MYT1L: variants seen among roughly 807,000 people sequenced by gnomAD.
The protein encoded by MYT1L is myelin transcription factor 1-like protein.
MYT1L carries 12 observed loss-of-function variants against 126.7 expected under a neutral mutation model. The ratio of observed to expected loss-of-function variants is 0.09; its 90% CI spans 0.06 to 0.15. The LOEUF is 0.15. MYT1L is among the 10% of genes least tolerant of loss of function. The pLI, the probability that MYT1L is intolerant of heterozygous loss-of-function variation, is 1.00. For missense variants in MYT1L, 979 were observed against 1,585.2 expected, an observed-to-expected ratio of 0.62 and a Z score of 6.49; for synonymous variants, 541 against 604.2, an observed-to-expected ratio of 0.90 and a Z score of 1.53.
intron 2 of MYT1L, among the ~76,000 whole-genome samples, chr2:2,220,380 G>A (rs1572580534): frequency 6.6e-6 from 1 of 152,158 alleles, no homozygotes; most frequent in Non-Finnish European, 1.5e-5. Context: ...ATTGACAAGT[G>A]GCTGAGTTTG....
At chr2:2,099,344 GTT>G (rs3047991) in intron 3 of MYT1L, among the ~76,000 whole-genome samples, 1 of 144,438 alleles carries the variant, frequency 6.9e-6, no homozygotes, top group Non-Finnish European at 1.5e-5. Context: ...AATGTCATTT[GTT>G]TTTTTTTTTT....
intron 3 of MYT1L, among the ~76,000 whole-genome samples, chr2:2,094,814 C>G (rs556113902): frequency 1.2e-3 from 181 of 152,158 alleles, no homozygotes; most frequent in South Asian, 9.3e-3. Flanking sequence ...GGAGATATAC[C>G]TATTGTAAAT....
chr2:2,103,449 C>T (rs2078350768), intron 3 of MYT1L, among the ~76,000 whole-genome samples: 1 of 152,226 alleles, frequency 6.6e-6, no homozygotes, highest in African/African-American at 2.4e-5. Flanking sequence ...CAGATGCCAG[C>T]CAGTTAGTGG....
chr2:1,820,925 T>C (rs1278282948), intron 21 of MYT1L, among the ~76,000 whole-genome samples: 1 of 131,086 alleles, frequency 7.6e-6, no homozygotes, highest in Admixed American at 7.4e-5. Flanking sequence ...CTTAAGAATA[T>C]AACTAAGGTT....
chr2:2,180,077 T>A (rs1256676374), intron 2 of MYT1L, among the ~76,000 whole-genome samples: 6 of 152,202 alleles, frequency 3.9e-5, no homozygotes, highest in Non-Finnish European at 8.8e-5. Context: ...ATGCCACTGT[T>A]GTTATCAAAG....
chr2:2,329,421 T>A (rs1369197993), intron 1 of MYT1L, among the ~76,000 whole-genome samples: 1 of 152,098 alleles, frequency 6.6e-6, no homozygotes, highest in South Asian at 2.1e-4. Context: ...GACAACAACA[T>A]AATCCTTCAT....
chr2:2,254,422 T>A (rs540353793), intron 2 of MYT1L, among the ~76,000 whole-genome samples: 97 of 152,222 alleles, frequency 6.4e-4, no homozygotes, highest in Non-Finnish European at 9.6e-4. Flanking sequence ...CTCAGGAGAC[T>A]GTGATGGGAC....
At chr2:1,846,347 C>T (rs2042493797) in intron 19 of MYT1L, among the ~76,000 whole-genome samples, 1 of 152,204 alleles carries the variant, frequency 6.6e-6, no homozygotes, top group African/African-American at 2.4e-5. Flanking sequence ...TCCACGCTGG[C>T]ATTTGGGATT....
intron 2 of MYT1L, among the ~76,000 whole-genome samples, chr2:2,237,644 C>T (rs188577708): frequency 3.3e-5 from 5 of 152,318 alleles, no homozygotes; most frequent in Admixed American, 3.3e-4. Context: ...GCCAGGGATG[C>T]CTCGCCTGGA....
At chr2:2,314,154 C>A (rs147911166) in intron 1 of MYT1L, among the ~76,000 whole-genome samples, 18 of 152,260 alleles carry the variant, frequency 1.2e-4, no homozygotes, top group Middle Eastern at 3.4e-3. Flanking sequence ...AACTTCTGGA[C>A]TGTCATATGT....
rs539054460 is a variant in MYT1L at position 1,994,424 on chromosome 2, C to T, written c.-1+2767G>A. Among the ~76,000 whole-genome samples the T allele has an allele frequency of 9.4e-5, 14 of 149,114 alleles. No homozygotes were observed. In the East Asian group the frequency reaches 2.3e-3, roughly 24 times the overall value. On this transcript the variant is annotated intron_variant, in intron 5 of 24. Transcript: ENST00000647738. ...TCCTGGGGGGCTCAGCCCTGGTTCACGCCCTGCCCCCTCCTCCCAGCGAGT... is the reference window on the plus strand; with the variant it reads ...TCCTGGGGGGCTCAGCCCTGGTTCATGCCCTGCCCCCTCCTCCCAGCGAGT...
chr2:2,063,167 T>A (rs1490572604), intron 3 of MYT1L, among the ~76,000 whole-genome samples: 1 of 152,212 alleles, frequency 6.6e-6, no homozygotes, highest in African/African-American at 2.4e-5. Context: ...GTGATTCAAC[T>A]CATCTTCTCC....
chr2:1,818,961 C>T (rs1441373783), intron 21 of MYT1L, among the ~76,000 whole-genome samples: 1 of 152,198 alleles, frequency 6.6e-6, no homozygotes, highest in African/African-American at 2.4e-5. Context: ...GCAGAAAGTG[C>T]AGCTGTGGGT....
At chr2:2,291,910 G>A (rs2095605416) in intron 1 of MYT1L, among the ~76,000 whole-genome samples, 1 of 152,236 alleles carries the variant, frequency 6.6e-6, no homozygotes, top group African/African-American at 2.4e-5. Flanking sequence ...AGCATCTCAC[G>A]AGACGTCAGA....
chr2:1,897,255 C>A (rs918500127), intron 14 of MYT1L, among the ~76,000 whole-genome samples: 4 of 152,166 alleles, frequency 2.6e-5, no homozygotes, highest in African/African-American at 9.7e-5. Context: ...GTCAGCACAG[C>A]CCTTCATGCC....
intron 3 of MYT1L, among the ~76,000 whole-genome samples, chr2:2,142,973 C>G (rs1321262779): frequency 6.6e-6 from 1 of 150,990 alleles, no homozygotes; most frequent in African/African-American, 2.4e-5. Context: ...AGGTGTGAGC[C>G]ACCATGCCCG....
intron 3 of MYT1L, among the ~76,000 whole-genome samples, chr2:2,154,594 G>A (rs562904053): frequency 9.4e-4 from 143 of 152,270 alleles, no homozygotes; most frequent in African/African-American, 3.2e-3. Context: ...ACCAAATACC[G>A]CATGTTCTCA....
intron 4 of MYT1L, among the ~76,000 whole-genome samples, chr2:2,004,367 GTGCC>G (rs2062880145): frequency 9.6e-6 from 1 of 103,976 alleles, no homozygotes; most frequent in South Asian, 3.4e-4. Flanking sequence ...TCTTTCCTGT[GTGCC>G]TTCTTTCCTG....
chr2:1,957,940 G>A (rs982191349), intron 8 of MYT1L, among the ~76,000 whole-genome samples: 4 of 152,140 alleles, frequency 2.6e-5, no homozygotes, highest in African/African-American at 4.8e-5. Context: ...TGCTGAAAAG[G>A]CTTCAACCCA....
Sources: allele counts gnomAD v4.1 joint callset (sites outside exome capture counted in the v4.1 genomes callset), GRCh38; gene constraint gnomAD v4.1.1; transcripts MANE v1.5; gene names NCBI Gene and HGNC (gene_info 2026-07-23, HGNC 2026-07-21).